Variants in NKAIN2 observed in about 807,000 individuals in gnomAD.
NKAIN2 encodes sodium/potassium transporting ATPase interacting 2, also known as sodium/potassium-transporting ATPase subunit beta-1-interacting protein 2.
Under a neutral mutation model 32.6 loss-of-function variants are expected in NKAIN2, and 14 were observed. That is an observed-to-expected ratio of 0.43 (90% CI 0.28 to 0.67). The LOEUF (loss-of-function observed/expected upper bound fraction) is 0.67. Among genes scored for constraint, NKAIN2 ranks in the 30% least tolerant of loss-of-function variants. NKAIN2 has a pLI of 0.17. For synonymous variants in NKAIN2, 80 were observed against 87.2 expected (o/e 0.92, Z 0.46); for missense variants, 198 against 258.3 (o/e 0.77, Z 1.60).
At chr6:124,042,209 G>A (rs945714838) in intron 1 of NKAIN2, among the ~76,000 whole-genome samples, 1 of 152,050 alleles carries the variant, frequency 6.6e-6, no homozygotes, top group Non-Finnish European at 1.5e-5. Flanking sequence ...AACTATTCTT[G>A]TGCTTCGGCT....
At chr6:124,744,264 A>G (rs1287843252) in intron 4 of NKAIN2, among the ~76,000 whole-genome samples, 2 of 151,848 alleles carry the variant, frequency 1.3e-5, no homozygotes, top group Admixed American at 1.3e-4. Context: ...TACTGGAGAA[A>G]CGTGGACAAT....
intron 1 of NKAIN2, among the ~76,000 whole-genome samples, chr6:123,876,608 G>A (rs945745893): frequency 5.3e-5 from 8 of 152,210 alleles, no homozygotes; most frequent in African/African-American, 1.9e-4. Context: ...AGGGAGTCCA[G>A]TGCCAGTCTG....
At chr6:124,286,336 C>G (rs1421234541) in intron 2 of NKAIN2, among the ~76,000 whole-genome samples, 1 of 151,818 alleles carries the variant, frequency 6.6e-6, no homozygotes, top group East Asian at 1.9e-4. Context: ...ATACTCTCGT[C>G]TTTTTTTGTG....
intron 3 of NKAIN2, among the ~76,000 whole-genome samples, chr6:124,498,807 T>G (rs1003494838): frequency 6.6e-6 from 1 of 152,230 alleles, no homozygotes; most frequent in African/African-American, 2.4e-5. Flanking sequence ...ATTTGGTAAT[T>G]AATAAACATT....
chr6:124,610,920 A>T (rs1782665654), intron 3 of NKAIN2, among the ~76,000 whole-genome samples: 2 of 152,194 alleles, frequency 1.3e-5, no homozygotes, highest in Non-Finnish European at 2.9e-5. Flanking sequence ...TTGTAACCTT[A>T]TGCATCATCA....
chr6:124,072,834 T>G (rs1484805558), intron 1 of NKAIN2, among the ~76,000 whole-genome samples: 1 of 152,300 alleles, frequency 6.6e-6, no homozygotes, highest in East Asian at 1.9e-4. Context: ...TACCTTGCAT[T>G]TTGTTATTCA....
intron 1 of NKAIN2, among the ~76,000 whole-genome samples, chr6:124,111,516 A>G (rs1562364318): frequency 6.7e-6 from 1 of 150,308 alleles, no homozygotes; most frequent in Non-Finnish European, 1.5e-5. Flanking sequence ...ATGTACCCCT[A>G]CTCTCTTTTG....
chr6:124,346,084 G>A (rs1443644316), intron 2 of NKAIN2, among the ~76,000 whole-genome samples: 11 of 152,034 alleles, frequency 7.2e-5, no homozygotes, highest in Non-Finnish European at 1.2e-4. Flanking sequence ...CCTTCATTTC[G>A]TTATGTACCC....
Position 124,260,510 on chromosome 6 carries a change from C to T in NKAIN2, c.55-22495C>T, listed in dbSNP as rs73563762. Among the ~76,000 whole-genome samples, 199 of 152,184 alleles carry T rather than the reference C, an allele frequency of 1.3e-3. 2 individuals carry two copies. Among genetic ancestry groups the T allele is most frequent in the African/African-American group, 4.6e-3 (192 of 41,502 alleles). On this transcript the variant is annotated intron_variant, in intron 1 of 6. Transcript: ENST00000368417. Reference sequence around the variant, plus strand: ...GCAGACAGGATGGAACATGTAAAAGCGCTGAGGCAGGAGAATGCCTGCTGT... The same window carrying T: ...GCAGACAGGATGGAACATGTAAAAGTGCTGAGGCAGGAGAATGCCTGCTGT...
chr6:124,106,144 A>G (rs1785112079), intron 1 of NKAIN2, among the ~76,000 whole-genome samples: 1 of 152,168 alleles, frequency 6.6e-6, no homozygotes, highest in South Asian at 2.1e-4. Flanking sequence ...TTTGAACTTT[A>G]TGGTACTTTT....
At chr6:124,277,922 T>TA in intron 1 of NKAIN2, among the ~76,000 whole-genome samples, 1 of 137,522 alleles carries the variant, frequency 7.3e-6, no homozygotes, top group Non-Finnish European at 1.6e-5. Context: ...CAAAAGCCCA[T>TA]TTTTTCTCTC....
At chr6:124,590,506 T>C (rs1781871322) in intron 3 of NKAIN2, among the ~76,000 whole-genome samples, 1 of 141,748 alleles carries the variant, frequency 7.1e-6, no homozygotes, top group East Asian at 2.7e-4. Flanking sequence ...GGATGTGGCG[T>C]TGAAACGGGA....
chr6:124,534,585 C>A (rs768722001), intron 3 of NKAIN2, among the ~76,000 whole-genome samples: 1 of 152,152 alleles, frequency 6.6e-6, no homozygotes, highest in East Asian at 1.9e-4. Context: ...ATAGTCGGTT[C>A]GAATTTCAGA....
intron 1 of NKAIN2, among the ~76,000 whole-genome samples, chr6:123,859,643 C>A (rs997836407): frequency 3.9e-5 from 6 of 152,188 alleles, no homozygotes; most frequent in Admixed American, 2.0e-4. Flanking sequence ...AACACTCTCA[C>A]ATTCATCATG....
At chr6:124,349,030 A>T (rs990919595) in intron 2 of NKAIN2, among the ~76,000 whole-genome samples, 2 of 152,278 alleles carry the variant, frequency 1.3e-5, no homozygotes, top group South Asian at 4.1e-4. Flanking sequence ...TTGTTAGTAC[A>T]ATGTTCCTTA....
intron 3 of NKAIN2, among the ~76,000 whole-genome samples, chr6:124,453,583 CAG>C (rs1776203512): frequency 3.3e-5 from 5 of 151,856 alleles, no homozygotes; most frequent in African/African-American, 9.7e-5. Flanking sequence ...ATTTTAAATT[CAG>C]AGACTATTAA....
intron 1 of NKAIN2, among the ~76,000 whole-genome samples, chr6:124,008,024 C>T (rs1024837574): frequency 2.0e-5 from 3 of 152,126 alleles, no homozygotes; most frequent in African/African-American, 7.2e-5. Context: ...GGCATGGGAC[C>T]GTGTCCTGTT....
At chr6:123,938,185 T>C (rs899511382) in intron 1 of NKAIN2, among the ~76,000 whole-genome samples, 1 of 151,712 alleles carries the variant, frequency 6.6e-6, no homozygotes, top group East Asian at 1.9e-4. Flanking sequence ...TGGCTTAGAA[T>C]TGAATAAGCT....
chr6:124,087,922 C>T (rs1582618853), intron 1 of NKAIN2, among the ~76,000 whole-genome samples: 1 of 152,034 alleles, frequency 6.6e-6, no homozygotes, highest in East Asian at 1.9e-4. Context: ...GGAATATACT[C>T]AATTGTTGTA....
Sources: gnomAD v4.1 joint callset for allele counts (sites outside exome capture counted in the v4.1 genomes callset) on GRCh38, gnomAD v4.1.1 for gene constraint, MANE v1.5 for transcripts, NCBI Gene and HGNC (gene_info 2026-07-23, HGNC 2026-07-21) for gene names.